KDM4C: variants seen among roughly 807,000 people sequenced by gnomAD.
KDM4C encodes the protein lysine-specific demethylase 4C.
Under a neutral mutation model 129.3 loss-of-function variants are expected in KDM4C, and 81 were observed. The ratio of observed to expected loss-of-function variants is 0.63; its 90% confidence interval spans 0.52 to 0.75. The LOEUF (loss-of-function observed/expected upper bound fraction) is 0.75, where lower values mean the gene tolerates loss of function less well. Among genes scored for constraint, KDM4C ranks in the 30% least tolerant of loss-of-function variants. The probability of loss-of-function intolerance (pLI) is 0.00; values close to 1 mark genes in which losing one functional copy is unlikely to be tolerated. For synonymous variants in KDM4C, 573 were observed against 456.1 expected (o/e 1.26, Z -3.26); for missense variants, 1,457 against 1,304.0 (o/e 1.12, Z -1.81).
intron 4 of KDM4C, among the ~76,000 whole-genome samples, chr9:6,849,175 G>A (rs1012283979): frequency 3.3e-5 from 5 of 152,254 alleles, no homozygotes; most frequent in Admixed American, 1.3e-4. Flanking sequence ...AGCACATGCC[G>A]GATCATCTAC....
In KDM4C at chr9:6,777,585, C is replaced by G. The variant is rs74964890; in HGVS notation, c.-17-15387C>G. On this transcript the variant is annotated intron_variant, in intron 1 of 21. Transcript: ENST00000381309. ...GATTGTTCCCTTTACCTGTCTAAGA[C>G]AAGAAAGTTGTTATATCTGTTCTCC... is the stretch of plus-strand genomic sequence containing the variant. Among the ~76,000 whole-genome samples, 633 of 152,232 alleles carry G rather than the reference C, an allele frequency of 4.2e-3. 13 individuals are homozygous for G. The East Asian group carries it at 0.078, about 19-fold the overall frequency.
At chr9:6,812,520 A>G (rs948995675) in intron 3 of KDM4C, among the ~76,000 whole-genome samples, 2 of 152,158 alleles carry the variant, frequency 1.3e-5, no homozygotes, top group African/African-American at 4.8e-5. Context: ...ATCATCAGAC[A>G]TTAGGTTCTC....
chr9:6,919,952 G>GTC (rs1338274740), intron 8 of KDM4C, among the ~76,000 whole-genome samples: 3 of 152,136 alleles, frequency 2.0e-5, no homozygotes, highest in Admixed American at 6.6e-5. Context: ...TTTTGTCAAA[G>GTC]TCAGTGGTCA....
At chr9:7,160,778 A>G (rs1001068864) in intron 19 of KDM4C, among the ~76,000 whole-genome samples, 5 of 152,196 alleles carry the variant, frequency 3.3e-5, no homozygotes, top group Non-Finnish European at 7.4e-5. Context: ...GTTAGGCTAC[A>G]TGGGAGTCAG....
At chr9:6,795,846 A>AT (rs1223654579) in intron 2 of KDM4C, among the ~76,000 whole-genome samples, 4 of 149,306 alleles carry the variant, frequency 2.7e-5, no homozygotes, top group African/African-American at 9.9e-5. Context: ...TAAGTTTTGT[A>AT]TTTTTTGTAG....
At chr9:6,977,514 G>A (rs1398114053) in intron 8 of KDM4C, among the ~76,000 whole-genome samples, 1 of 152,094 alleles carries the variant, frequency 6.6e-6, no homozygotes, top group Admixed American at 6.5e-5. Context: ...TTAAAAGGAG[G>A]CCTATTTTGT....
chr9:6,830,210 G>C (rs576656690), intron 4 of KDM4C, among the ~76,000 whole-genome samples: 1 of 152,184 alleles, frequency 6.6e-6, no homozygotes, highest in Non-Finnish European at 1.5e-5. Flanking sequence ...GTAACACAGT[G>C]GTATGTGAGG....
At chr9:6,934,965 G>T (rs769145312) in intron 8 of KDM4C, among the ~76,000 whole-genome samples, 1 of 150,742 alleles carries the variant, frequency 6.6e-6, no homozygotes, top group Non-Finnish European at 1.5e-5. Context: ...TTTTCTTTCA[G>T]TAGTGATTTG....
intron 5 of KDM4C, among the ~76,000 whole-genome samples, chr9:6,874,881 G>C (rs1357590979): frequency 3.3e-5 from 5 of 151,270 alleles, no homozygotes; most frequent in African/African-American, 7.3e-5. Flanking sequence ...CTTGAGCCCA[G>C]GAGTTTGAGA....
At chr9:7,060,545 G>A (rs1011037369) in intron 17 of KDM4C, among the ~76,000 whole-genome samples, 4 of 151,030 alleles carry the variant, frequency 2.6e-5, no homozygotes, top group African/African-American at 9.7e-5. Flanking sequence ...GCAGTGGTGC[G>A]ATCTCGGTTC....
intron 1 of KDM4C, among the ~76,000 whole-genome samples, chr9:6,731,325 C>CTTTTTTTTTTTTTTTTTTTTTTGTTTT: frequency 8.8e-6 from 1 of 114,052 alleles, no homozygotes; most frequent in Non-Finnish European, 1.7e-5. Context: ...TTTTTTTTTG[C>CTTTTTTTTTTTTTTTTTTTTTTGTTTT]TTTTTTTTTT....
intron 12 of KDM4C, among the ~76,000 whole-genome samples, chr9:6,991,172 A>G (rs1467953385): frequency 2.0e-5 from 3 of 151,996 alleles, no homozygotes; most frequent in Admixed American, 2.0e-4. Flanking sequence ...TCAACCTCCC[A>G]GGCCTAAGTG....
intron 15 of KDM4C, among the ~76,000 whole-genome samples, chr9:7,040,229 A>G (rs1828325591): frequency 1.3e-5 from 2 of 151,798 alleles, no homozygotes; most frequent in South Asian, 2.1e-4. Flanking sequence ...ACTATACTCC[A>G]CAGTGTTATT....
chr9:6,881,456 G>A (rs1339253651), intron 6 of KDM4C, among the ~76,000 whole-genome samples: 1 of 152,142 alleles, frequency 6.6e-6, no homozygotes, highest in African/African-American at 2.4e-5. Context: ...TAACTACGTA[G>A]GAAGTGAACT....
chr9:6,836,495 T>C (rs1466409394), intron 4 of KDM4C, among the ~76,000 whole-genome samples: 2 of 152,210 alleles, frequency 1.3e-5, no homozygotes, highest in Non-Finnish European at 2.9e-5. Flanking sequence ...AGTCAACAAC[T>C]ACAACATTAA....
intron 15 of KDM4C, among the ~76,000 whole-genome samples, chr9:7,024,692 C>G (rs1364768170): frequency 6.6e-6 from 1 of 152,154 alleles, no homozygotes; most frequent in Non-Finnish European, 1.5e-5. Flanking sequence ...CATAGTATTC[C>G]ATGGTGTATA....
At chr9:6,831,118 A>G (rs1326873546) in intron 4 of KDM4C, among the ~76,000 whole-genome samples, 1 of 152,146 alleles carries the variant, frequency 6.6e-6, no homozygotes, top group Non-Finnish European at 1.5e-5. Context: ...TCTTATTTTA[A>G]TCCACTAGTC....
intron 15 of KDM4C, among the ~76,000 whole-genome samples, chr9:7,017,670 C>G (rs2132213079): frequency 6.6e-6 from 1 of 152,252 alleles, no homozygotes; most frequent in Non-Finnish European, 1.5e-5. Context: ...CAGTGTATGC[C>G]TCACTCATGA....
chr9:6,758,037 C>A lies in KDM4C; in HGVS notation c.-184C>A, dbSNP rs1818587979. On this transcript the variant is annotated 5_prime_UTR_variant, in exon 1 of 22. Transcript: ENST00000381309. This position sits in a 1 kb window ranked among gnomAD's most constrained non-coding sequence, Gnocchi z 4.6. ...CCACCCCCTCGACGGGAGGGTGAGG[C>A]GCGGCGCAGTGATCGGGCGGCCGGG... 1.0e-6 allele frequency: 1 copy of A among 985,328 alleles called. No homozygotes were observed. The highest frequency in any genetic ancestry group is 1.7e-5 in the African/African-American group (1 of 57,240). 61.0% of individuals were successfully genotyped at this position (985,328 alleles called of 1,614,324 possible). A position where few individuals can be genotyped will look rare whatever the true frequency, so the allele number is the denominator to read the frequency against.
Sources: gnomAD v4.1 joint callset for allele counts (sites outside exome capture counted in the v4.1 genomes callset) on GRCh38, gnomAD v4.1.1 for gene constraint, Gnocchi (gnomAD v3.1) non-coding constraint, MANE v1.5 for transcripts, NCBI Gene and HGNC (gene_info 2026-07-23, HGNC 2026-07-21) for gene names.